The following SLC37A1 variants were observed in gnomAD, a reference collection of about 807,000 sequenced individuals.
SLC37A1 encodes the protein glucose-6-phosphate exchanger SLC37A1.
SLC37A1 carries 49 observed loss-of-function variants against 75.3 expected under a neutral mutation model. The ratio of observed to expected loss-of-function variants is 0.65; its 90% confidence interval spans 0.52 to 0.83. The LOEUF (loss-of-function observed/expected upper bound fraction) is 0.83, where lower values mean the gene tolerates loss of function less well. Ranked by LOEUF, SLC37A1 falls within the 40% of genes least tolerant of loss-of-function variation. SLC37A1 has a pLI of 0.00. For missense variants in SLC37A1, 566 were observed against 695.0 expected (o/e 0.81, Z 2.09); for synonymous variants, 268 against 292.1 (o/e 0.92, Z 0.84).
At chr21:42,554,598 G>A (rs1429228012) in intron 10 of SLC37A1, among the ~76,000 whole-genome samples, 1 of 152,126 alleles carries the variant, frequency 6.6e-6, no homozygotes, top group African/African-American at 2.4e-5. Flanking sequence ...CAGGGTGAGG[G>A]GCGCACGGTG....
At position 42,514,280 on chromosome 21, in the gene SLC37A1, A is replaced by G. The variant is rs183320673; in HGVS notation, c.-616A>G. The G allele has an allele frequency of 0.023, 3,486 of 150,096 alleles. 66 individuals carry two copies. The highest frequency in any genetic ancestry group is 0.036 in the South Asian group (169 of 4,718). 9.3% of individuals were successfully genotyped at this position (150,096 alleles called of 1,614,324 possible). A position where few individuals can be genotyped will look rare whatever the true frequency, so the allele number is the denominator to read the frequency against. ...ATTCCGGGGAAGTGGAGGCAGAGGGAGCGGGCACGGGGCCGGCAGCCGCTC... is the reference window on the plus strand; with the variant it reads ...ATTCCGGGGAAGTGGAGGCAGAGGGGGCGGGCACGGGGCCGGCAGCCGCTC... On this transcript the variant is annotated 5_prime_UTR_variant, in exon 1 of 20. Coordinates refer to ENST00000352133, the MANE Select transcript of SLC37A1 (RefSeq NM_001320537.2). This position sits in a 1 kb window ranked among gnomAD's most constrained non-coding sequence, Gnocchi z 4.8.
Position 42,547,763 on chromosome 21 carries a change from C to T in SLC37A1, c.768+623C>T, listed in dbSNP as rs117564480. On this transcript the variant is annotated intron_variant, in intron 9 of 19. Coordinates refer to ENST00000352133, the MANE Select transcript of SLC37A1 (RefSeq NM_001320537.2). The surrounding 1 kb of genome is among the most constrained non-coding windows in gnomAD (Gnocchi z 6.1). ...CAGGGCTTGACTCCCGCAGACACAC[C>T]CCCCGCCCCAAATACCATTCCTGGC... The T allele has an allele frequency of 4.3e-4, 66 of 153,352 alleles. No homozygotes were observed. In the East Asian group the frequency reaches 0.013, roughly 29 times the overall value. The allele number at this position is 153,352 out of a possible 1,614,324, so 9.5% of individuals were successfully genotyped here. A position where few individuals can be genotyped will look rare whatever the true frequency, so the allele number is the denominator to read the frequency against.
intron 12 of SLC37A1, 56 bp from the exon 13 acceptor site, chr21:42,563,759 G>T (rs553914450): frequency 1.3e-6 from 2 of 1,552,068 alleles, no homozygotes; most frequent in Non-Finnish European, 1.8e-6. Flanking sequence ...ATGGTGTGTC[G>T]CTGCGATGCG....
At chr21:42,503,276 G>A (rs938500180) in intron 2 of SLC37A1, among the ~76,000 whole-genome samples, 3 of 140,672 alleles carry the variant, frequency 2.1e-5, no homozygotes, top group African/African-American at 8.3e-5. Context: ...TTGAGACAAG[G>A]TCTGGCTCTG....
intron 1 of SLC37A1, among the ~76,000 whole-genome samples, chr21:42,517,873 C>A (rs1042939714): frequency 3.9e-5 from 6 of 152,188 alleles, no homozygotes; most frequent in African/African-American, 7.2e-5. Context: ...TCAAAGGTGG[C>A]CTGGTCCATA....
intron 3 of SLC37A1, among the ~76,000 whole-genome samples, chr21:42,530,291 A>G (rs1460162384): frequency 6.6e-6 from 1 of 152,174 alleles, no homozygotes; most frequent in African/African-American, 2.4e-5. Flanking sequence ...CTATTTCTGT[A>G]TCCTTCATGA....
At chr21:42,537,596 G>A (rs1428966710) in intron 5 of SLC37A1, among the ~76,000 whole-genome samples, 2 of 152,106 alleles carry the variant, frequency 1.3e-5, no homozygotes, top group Non-Finnish European at 2.9e-5. Context: ...AGAAACCAGG[G>A]TGCTGCTAAA....
intron 17 of SLC37A1, among the ~76,000 whole-genome samples, chr21:42,571,776 C>T (rs1176217916): frequency 1.4e-5 from 2 of 145,494 alleles, no homozygotes; most frequent in African/African-American, 5.2e-5. Flanking sequence ...TCAATAGATA[C>T]ATCTTGTTTT....
chr21:42,535,861 C>T (rs887781094), intron 5 of SLC37A1, among the ~76,000 whole-genome samples: 1 of 152,224 alleles, frequency 6.6e-6, no homozygotes, highest in Non-Finnish European at 1.5e-5. Context: ...AATCCTGGGA[C>T]GTGGTCATTC....
intron 2 of SLC37A1, among the ~76,000 whole-genome samples, chr21:42,524,873 G>A (rs547794471): frequency 1.3e-5 from 2 of 152,286 alleles, no homozygotes; most frequent in East Asian, 1.9e-4. Flanking sequence ...TGACTGTGGC[G>A]GGCCCCAGGA....
chr21:42,577,037 T>A (rs1480205361), intron 18 of SLC37A1, among the ~76,000 whole-genome samples: 1 of 152,200 alleles, frequency 6.6e-6, no homozygotes, highest in Non-Finnish European at 1.5e-5. Context: ...CATTCTTAGA[T>A]TCAGGAATCA....
chr21:42,548,003 C>A lies in SLC37A1; in HGVS notation c.768+863C>A, dbSNP rs986586064. 6.6e-6 allele frequency among the ~76,000 whole-genome samples: 1 copy of A among 152,164 alleles called. No homozygotes were observed. The highest frequency in any genetic ancestry group is 6.5e-5 in the Admixed American group (1 of 15,282). ...GCCTCACCCTGCTGGGCCCGTCGCC[C>A]GCGTCTGACCCAATGCTTCCCTCCC... is the stretch of plus-strand genomic sequence containing the variant. On this transcript the variant is annotated intron_variant, in intron 9 of 19. Coordinates refer to ENST00000352133, the MANE Select transcript of SLC37A1 (RefSeq NM_001320537.2). This position sits in a 1 kb window ranked among gnomAD's most constrained non-coding sequence, Gnocchi z 5.6.
At chr21:42,566,954 T>G in intron 15 of SLC37A1, 31 bp from the exon 16 acceptor site, 1 of 1,596,810 alleles carries the variant, frequency 6.3e-7, no homozygotes. Flanking sequence ...GGAGGGCACA[T>G]TTCCATTCTT....
At chr21:42,527,864 C>A (rs995537476) in intron 3 of SLC37A1, among the ~76,000 whole-genome samples, 1 of 152,194 alleles carries the variant, frequency 6.6e-6, no homozygotes, top group Admixed American at 6.5e-5. Context: ...CAAGATAGAT[C>A]AGAACATCAC....
chr21:42,572,677 C>CAAAAAAAAAAAAAAAAAAAA (rs552610279), intron 17 of SLC37A1, among the ~76,000 whole-genome samples: 1 of 80,504 alleles, frequency 1.2e-5, no homozygotes, highest in Non-Finnish European at 2.8e-5. Flanking sequence ...CACACACACA[C>CAAAAAAAAAAAAAAAAAAAA]AAAAAAAAAA....
rs1384259091 is a variant in SLC37A1, at chr21:42,552,757, G to A, written c.769-1305G>A. ...AAGCTGAAAAGGAATTTTAAGATAG[G>A]CTTTGCCTGAGCACCCACGTTCCTG... is the stretch of plus-strand genomic sequence containing the variant. On this transcript the variant is annotated intron_variant, in intron 9 of 19. Coordinates refer to ENST00000352133, the MANE Select transcript of SLC37A1 (RefSeq NM_001320537.2). The surrounding 1 kb of genome is among the most constrained non-coding windows in gnomAD (Gnocchi z 4.2). Among the ~76,000 whole-genome samples the A allele has an allele frequency of 6.6e-6, 1 of 152,210 alleles. No homozygotes were observed. The highest frequency in any genetic ancestry group is 1.5e-5 in the Non-Finnish European group (1 of 68,040).
chr21:42,543,628 A>G, intron 8 of SLC37A1, 26 bp downstream of exon 8: 1 of 1,560,830 alleles, frequency 6.4e-7, no homozygotes, highest in Non-Finnish European at 8.7e-7. Flanking sequence ...CTTGGAGACC[A>G]CCCACCAAGG....
chr21:42,534,031 T>C (rs1316997976), intron 3 of SLC37A1, among the ~76,000 whole-genome samples: 1 of 152,224 alleles, frequency 6.6e-6, no homozygotes, highest in Non-Finnish European at 1.5e-5. Flanking sequence ...GATCTGTACA[T>C]GCCCATAGGG....
At chr21:42,534,601 C>A in intron 3 of SLC37A1, 97 bp from the exon 4 acceptor site, 1 of 1,457,786 alleles carries the variant, frequency 6.9e-7, no homozygotes, top group Non-Finnish European at 9.2e-7. Context: ...GGGCAGGCTG[C>A]TGGGAGAGGA....
Sources: gnomAD v4.1 joint callset for allele counts (sites outside exome capture counted in the v4.1 genomes callset) on GRCh38, gnomAD v4.1.1 for gene constraint, Gnocchi (gnomAD v3.1) non-coding constraint, MANE v1.5 for transcripts, NCBI Gene and HGNC (gene_info 2026-07-23, HGNC 2026-07-21) for gene names.